The following ERG variants were observed in gnomAD, a reference collection of about 807,000 sequenced individuals.
The protein encoded by ERG is ETS transcription factor ERG, also known as transcriptional regulator ERG.
Under a neutral mutation model 55.3 loss-of-function variants are expected in ERG, and 9 were observed. That is an observed-to-expected ratio of 0.16 (90% CI 0.10 to 0.28). The LOEUF is 0.28. ERG is among the 10% of genes least tolerant of loss of function. ERG has a pLI of 1.00. For synonymous variants in ERG, 223 were observed against 237.3 expected, an observed-to-expected ratio of 0.94 and a Z score of 0.55; for missense variants, 434 against 631.6, an observed-to-expected ratio of 0.69 and a Z score of 3.35.
chr21:38,427,143 G>T (rs1271464153), intron 2 of ERG, among the ~76,000 whole-genome samples: 1 of 152,206 alleles, frequency 6.6e-6, no homozygotes, highest in Non-Finnish European at 1.5e-5. Flanking sequence ...AGCACTTTGG[G>T]AGGCTGAGGC....
chr21:38,491,739 C>T (rs896037896), intron 1 of ERG, among the ~76,000 whole-genome samples: 1 of 152,148 alleles, frequency 6.6e-6, no homozygotes, highest in Non-Finnish European at 1.5e-5. Context: ...CTCTGACCTG[C>T]GTGTTCATTA....
At chr21:38,574,882 C>G (rs932651298) in intron 2 of ERG, among the ~76,000 whole-genome samples, 2 of 152,200 alleles carry the variant, frequency 1.3e-5, no homozygotes, top group African/African-American at 2.4e-5. Context: ...CAGGTGTAGA[C>G]AGCCTGTTTG....
At chr21:38,580,053 C>T (rs544807730) in intron 1 of ERG, among the ~76,000 whole-genome samples, 1 of 152,272 alleles carries the variant, frequency 6.6e-6, no homozygotes, top group Admixed American at 6.5e-5. Context: ...ATCTCCTGAC[C>T]TCTTGATCCA....
At chr21:38,552,859 A>G (rs2059833195) in intron 2 of ERG, among the ~76,000 whole-genome samples, 1 of 151,686 alleles carries the variant, frequency 6.6e-6, no homozygotes, top group Admixed American at 6.6e-5. Context: ...AAAAAAAAAA[A>G]AGAAACAAAA....
At chr21:38,368,981 G>T in the ERG span, among the ~76,000 whole-genome samples, 2 of 152,158 alleles carry the variant, frequency 1.3e-5, no homozygotes, top group Non-Finnish European at 2.9e-5. Context: ...ATTTCTTGGT[G>T]TACATGTACC....
intron 2 of ERG, among the ~76,000 whole-genome samples, chr21:38,538,201 G>A (rs993515516): frequency 1.3e-5 from 2 of 152,146 alleles, no homozygotes; most frequent in African/African-American, 4.8e-5. Context: ...TGTTTAATGG[G>A]TTGGAGTGTC....
chr21:38,546,238 A>G (rs1568901222), intron 2 of ERG, among the ~76,000 whole-genome samples: 1 of 152,038 alleles, frequency 6.6e-6, no homozygotes, highest in African/African-American at 2.4e-5. Flanking sequence ...ACTTTTTTCT[A>G]TCTTCTTTTT....
At chr21:38,522,862 G>A (rs1568880438) in intron 2 of ERG, among the ~76,000 whole-genome samples, 1 of 152,174 alleles carries the variant, frequency 6.6e-6, no homozygotes, top group Non-Finnish European at 1.5e-5. Context: ...GCTGAACAAC[G>A]ACGTTGCTCT....
chr21:38,387,803 C>T lies in ERG; in HGVS notation c.919+3192G>A, dbSNP rs564646186. Among the ~76,000 whole-genome samples, 23 of 152,288 alleles carry T rather than the reference C, an allele frequency of 1.5e-4. No homozygotes were observed. The South Asian group carries it at 2.1e-3, about 14-fold the overall frequency. On this transcript the variant is annotated intron_variant, in intron 9 of 9. Coordinates refer to ENST00000288319, the MANE Select transcript of ERG (RefSeq NM_182918.4). Reference sequence around the variant, plus strand: ...ACTGTGTGCCATGCACCATTCTAAACGCTTTACATGTATTGGTTTATTTAA... The same window carrying T: ...ACTGTGTGCCATGCACCATTCTAAATGCTTTACATGTATTGGTTTATTTAA...
intron 2 of ERG, among the ~76,000 whole-genome samples, chr21:38,532,202 T>C (rs1347646075): frequency 6.6e-6 from 1 of 152,150 alleles, no homozygotes; most frequent in African/African-American, 2.4e-5. Flanking sequence ...CAACCAATAA[T>C]AATTGGGCAC....
intron 1 of ERG, among the ~76,000 whole-genome samples, chr21:38,627,239 G>C (rs1334565620): frequency 6.6e-6 from 1 of 151,924 alleles, no homozygotes; most frequent in Non-Finnish European, 1.5e-5. Flanking sequence ...CAAACAAAAT[G>C]AACAATCAAA....
chr21:38,435,750 T>C (rs2059793449), intron 2 of ERG, among the ~76,000 whole-genome samples: 1 of 152,214 alleles, frequency 6.6e-6, no homozygotes, highest in Admixed American at 6.5e-5. Flanking sequence ...ACCGTGTTGC[T>C]TTTAGATCTT....
At chr21:38,387,687 GA>G (rs1285218230) in intron 9 of ERG, among the ~76,000 whole-genome samples, 11 of 152,198 alleles carry the variant, frequency 7.2e-5, no homozygotes, top group African/African-American at 2.7e-4. Flanking sequence ...AATGCCTAAA[GA>G]AAGAGAAATA....
chr21:38,615,328 G>A (rs1005292275), intron 1 of ERG, among the ~76,000 whole-genome samples: 4 of 152,126 alleles, frequency 2.6e-5, no homozygotes, highest in African/African-American at 9.7e-5. Context: ...TTACCTCACT[G>A]AATAAAATGG....
chr21:38,602,864 A>G (rs2060172892), intron 1 of ERG, among the ~76,000 whole-genome samples: 1 of 151,942 alleles, frequency 6.6e-6, no homozygotes. Flanking sequence ...CTCAAGAAAA[A>G]AACGACGATT....
chr21:38,638,302 G>C (rs1327075864), intron 1 of ERG, among the ~76,000 whole-genome samples: 1 of 152,214 alleles, frequency 6.6e-6, no homozygotes, highest in Non-Finnish European at 1.5e-5. Context: ...GTAAAGCCCA[G>C]CACAGTCGGC....
chr21:38,639,032 C>T (rs1318427129), intron 1 of ERG, among the ~76,000 whole-genome samples: 1 of 152,110 alleles, frequency 6.6e-6, no homozygotes, highest in Non-Finnish European at 1.5e-5. Flanking sequence ...CTCTAACAAC[C>T]CCACCCTCAT....
At chr21:38,592,571 C>CTCTGTGTGTGTGTGTGTGTGTG (rs1555871066) in intron 1 of ERG, among the ~76,000 whole-genome samples, 6 of 148,100 alleles carry the variant, frequency 4.1e-5, no homozygotes, top group Admixed American at 1.4e-4. Flanking sequence ...TCTCCCTTCA[C>CTCTGTGTGTGTGTGTGTGTGTG]TGTGTGTGTG....
At chr21:38,456,854 A>G (rs1323623632) in intron 1 of ERG, among the ~76,000 whole-genome samples, 1 of 152,240 alleles carries the variant, frequency 6.6e-6, no homozygotes, top group Non-Finnish European at 1.5e-5. Context: ...GGGACTAAGT[A>G]GCCAGGTCAT....
Sources: allele counts gnomAD v4.1 joint callset (sites outside exome capture counted in the v4.1 genomes callset), GRCh38; gene constraint gnomAD v4.1.1; transcripts MANE v1.5; gene names NCBI Gene and HGNC (gene_info 2026-07-23, HGNC 2026-07-21).